Variants in SGK1 observed in about 807,000 individuals in gnomAD.
SGK1 encodes the protein serine/threonine-protein kinase Sgk1.
A neutral mutation model predicts 64.2 loss-of-function variants in SGK1; 26 were observed. That is an observed-to-expected ratio of 0.40 (90% CI 0.30 to 0.56). SGK1 has a LOEUF of 0.56. SGK1 is among the 20% of genes least tolerant of loss of function. The probability of loss-of-function intolerance (pLI) is 0.38; values close to 1 mark genes in which losing one functional copy is unlikely to be tolerated. For synonymous variants in SGK1, 265 were observed against 239.7 expected (o/e 1.11, Z -0.98); for missense variants, 519 against 645.6 (o/e 0.80, Z 2.12).
intron 2 of SGK1, among the ~76,000 whole-genome samples, chr6:134,225,999 T>C (rs1776170496): frequency 6.6e-6 from 1 of 151,790 alleles, no homozygotes; most frequent in Non-Finnish European, 1.5e-5. Context: ...TCCCAATTAC[T>C]CGGGAGGCTG....
intron 2 of SGK1, among the ~76,000 whole-genome samples, chr6:134,223,993 G>A (rs552739961): frequency 1.9e-4 from 29 of 152,282 alleles, no homozygotes; most frequent in African/African-American, 5.5e-4. Context: ...AATTTTTTAC[G>A]GAGGTTCCCA....
chr6:134,276,327 C>T (rs148551342), intron 1 of SGK1, among the ~76,000 whole-genome samples: 30 of 152,256 alleles, frequency 2.0e-4, no homozygotes, highest in Non-Finnish European at 2.6e-4. Flanking sequence ...AGTGTTAAAG[C>T]GAGCATGAGT....
At chr6:134,186,057 C>G (rs1466810754) in intron 3 of SGK1, among the ~76,000 whole-genome samples, 1 of 152,042 alleles carries the variant, frequency 6.6e-6, no homozygotes, top group African/African-American at 2.4e-5. Flanking sequence ...AAGGCCACAC[C>G]CCAAAATAAT....
intron 3 of SGK1, among the ~76,000 whole-genome samples, chr6:134,203,699 T>C (rs1775722653): frequency 6.6e-6 from 1 of 152,196 alleles, no homozygotes; most frequent in Admixed American, 6.5e-5. Context: ...CAAAGACTTT[T>C]ACCAGAGATA....
intron 1 of SGK1, among the ~76,000 whole-genome samples, chr6:134,288,353 T>C (rs1340179383): frequency 6.6e-6 from 1 of 152,130 alleles, no homozygotes; most frequent in Non-Finnish European, 1.5e-5. Flanking sequence ...AGAGAACTAG[T>C]GGCATTTCAA....
At chr6:134,258,825 A>ATAAAC (rs1385719875) in intron 2 of SGK1, among the ~76,000 whole-genome samples, 1 of 152,152 alleles carries the variant, frequency 6.6e-6, no homozygotes, top group Non-Finnish European at 1.5e-5. Flanking sequence ...ATAAAATAAA[A>ATAAAC]TAAAATAAAA....
chr6:134,183,726 A>G (rs568278241), intron 3 of SGK1, among the ~76,000 whole-genome samples: 2 of 152,078 alleles, frequency 1.3e-5, no homozygotes, highest in Admixed American at 6.5e-5. Flanking sequence ...GTACAGTTCT[A>G]TGATGTCTGG....
At chr6:134,283,739 A>C (rs1467264728) in intron 1 of SGK1, among the ~76,000 whole-genome samples, 1 of 151,614 alleles carries the variant, frequency 6.6e-6, no homozygotes, top group Non-Finnish European at 1.5e-5. Flanking sequence ...CCAGGTACTC[A>C]GGAGGCCGAG....
intron 1 of SGK1, among the ~76,000 whole-genome samples, chr6:134,286,891 T>G (rs1414808829): frequency 6.6e-6 from 1 of 152,228 alleles, no homozygotes; most frequent in East Asian, 1.9e-4. Context: ...GGGCTTTTTA[T>G]TTTTTAAGGA....
Position 134,173,570 on chromosome 6 carries a change from G to T in SGK1, c.514-4C>A. 1.6e-6 allele frequency: 2 copies of T among 1,258,676 alleles called. No homozygotes were observed. Among genetic ancestry groups the T allele is most frequent in the Non-Finnish European group, 2.2e-6 (2 of 920,942 alleles). The allele number at this position is 1,258,676 out of a possible 1,614,324, so 78.0% of individuals were successfully genotyped here. A position where few individuals can be genotyped will look rare whatever the true frequency, so the allele number is the denominator to read the frequency against. On this transcript the variant is annotated splice_polypyrimidine_tract_variant and splice_region_variant and intron_variant, in intron 5 of 13. Transcript: ENST00000367858. ...TGATTTGCTGAGAAGGACTTGGCTA[G>T]AAAAAAAAAAAAAGAATTTCTTTTA...
intron 1 of SGK1, among the ~76,000 whole-genome samples, chr6:134,302,027 A>G (rs1261639324): frequency 1.3e-5 from 2 of 152,226 alleles, no homozygotes; most frequent in African/African-American, 2.4e-5. Context: ...GGCCTTAATG[A>G]GAAATATTTT....
At chr6:134,200,325 T>C (rs907667901) in intron 3 of SGK1, among the ~76,000 whole-genome samples, 12 of 152,294 alleles carry the variant, frequency 7.9e-5, no homozygotes, top group East Asian at 1.9e-4. Flanking sequence ...GATGAGCATA[T>C]GCCACTTTTA....
intron 1 of SGK1, among the ~76,000 whole-genome samples, chr6:134,311,685 G>T (rs1385616004): frequency 6.6e-6 from 1 of 151,914 alleles, no homozygotes; most frequent in Non-Finnish European, 1.5e-5. Context: ...CTGCCCTGTG[G>T]GAGCTACAGA....
intron 1 of SGK1, among the ~76,000 whole-genome samples, chr6:134,310,385 C>T (rs1298699086): frequency 6.6e-6 from 1 of 152,158 alleles, no homozygotes. Context: ...GAGACTAATT[C>T]CCCAGCACTG....
chr6:134,208,492 A>G (rs113492875), intron 2 of SGK1, among the ~76,000 whole-genome samples: 16,633 of 151,866 alleles, frequency 0.11, 1,038 homozygotes, highest in African/African-American at 0.18. Context: ...CAAGCAGTGT[A>G]CACTGTACCC....
chr6:134,174,467 A>C (rs762448354), intron 4 of SGK1, 44 bp downstream of exon 4: 2 of 1,465,052 alleles, frequency 1.4e-6, no homozygotes, highest in South Asian at 1.2e-5. Context: ...CCGCTGGCAA[A>C]TTCAAACTAT....
chr6:134,234,643 G>A (rs780823618), intron 2 of SGK1, among the ~76,000 whole-genome samples: 13 of 152,226 alleles, frequency 8.5e-5, no homozygotes, highest in South Asian at 2.1e-4. Context: ...TTGGGAGGCC[G>A]GGGCGGGTGG....
intron 3 of SGK1, among the ~76,000 whole-genome samples, chr6:134,194,520 CT>C (rs71708614): frequency 0.028 from 3,829 of 138,610 alleles, 100 homozygotes; most frequent in African/African-American, 0.093. Context: ...AAAAGTTTTT[CT>C]TTTTTTTTTT....
intron 2 of SGK1, among the ~76,000 whole-genome samples, chr6:134,237,976 G>A (rs1280254633): frequency 3.3e-5 from 5 of 152,120 alleles, no homozygotes. Context: ...GAAAAAGTGT[G>A]TAAAAAACAT....
Sources: allele counts gnomAD v4.1 joint callset (sites outside exome capture counted in the v4.1 genomes callset), GRCh38; gene constraint gnomAD v4.1.1; transcripts MANE v1.5; gene names NCBI Gene and HGNC (gene_info 2026-07-23, HGNC 2026-07-21).